PDE9A: variants seen among roughly 807,000 people sequenced by gnomAD.
The protein encoded by PDE9A is phosphodiesterase 9A.
In PDE9A, 60 loss-of-function variants were observed where a neutral mutation model predicts 87.4. That is an observed-to-expected ratio of 0.69 (90% CI 0.56 to 0.85). PDE9A has a LOEUF of 0.85. Ranked by LOEUF, PDE9A falls within the 40% of genes least tolerant of loss-of-function variation. The probability of loss-of-function intolerance (pLI) is 0.00; values close to 1 mark genes in which losing one functional copy is unlikely to be tolerated. For synonymous variants in PDE9A, 272 were observed against 279.4 expected, an observed-to-expected ratio of 0.97 and a Z score of 0.27; for missense variants, 665 against 779.0, an observed-to-expected ratio of 0.85 and a Z score of 1.74.
At chr21:42,726,618 A>ATTTTTTTTTTTTTTTTTTTT (rs1486108848) in intron 4 of PDE9A, among the ~76,000 whole-genome samples, 1 of 23,048 alleles carries the variant, frequency 4.3e-5, no homozygotes, top group African/African-American at 3.3e-4. Flanking sequence ...ATATATATAT[A>ATTTTTTTTTTTTTTTTTTTT]TATATATTTT....
At chr21:42,769,979 C>G (rs890932780) in intron 17 of PDE9A, among the ~76,000 whole-genome samples, 3 of 152,174 alleles carry the variant, frequency 2.0e-5, no homozygotes, top group Non-Finnish European at 4.4e-5. Context: ...CCATCGCTGC[C>G]GGCCTTCAGG....
chr21:42,697,190 C>T (rs1347559817), intron 3 of PDE9A, among the ~76,000 whole-genome samples: 1 of 152,044 alleles, frequency 6.6e-6, no homozygotes, highest in Non-Finnish European at 1.5e-5. Context: ...CCACAGTGCC[C>T]GGCTCTCCCG....
chr21:42,773,794 T>C (rs909855718), intron 19 of PDE9A, among the ~76,000 whole-genome samples: 66 of 129,380 alleles, frequency 5.1e-4, no homozygotes, highest in African/African-American at 1.5e-3. Context: ...GAGCGAGACT[T>C]CGTCTCAAAA....
intron 4 of PDE9A, among the ~76,000 whole-genome samples, chr21:42,718,311 A>T (rs2050151930): frequency 6.6e-6 from 1 of 151,684 alleles, no homozygotes; most frequent in African/African-American, 2.4e-5. Context: ...CTTCATGTTC[A>T]TTGAGCTTCC....
intron 9 of PDE9A, among the ~76,000 whole-genome samples, chr21:42,752,664 T>G (rs930005861): frequency 3.3e-5 from 5 of 152,224 alleles, no homozygotes; most frequent in African/African-American, 9.6e-5. Context: ...AAGCACAGCC[T>G]AGATCCAAAA....
intron 17 of PDE9A, 50 bp from the exon 18 acceptor site, chr21:42,770,653 C>A: frequency 7.0e-7 from 1 of 1,432,564 alleles, no homozygotes; most frequent in South Asian, 1.1e-5. Flanking sequence ...CGACGTTTCC[C>A]ATTGCCTTAA....
rs1291903069 is a variant in PDE9A, at chr21:42,772,495, A to G, written c.1743A>G (p.Arg581=). Residue 581 remains arginine, a synonymous_variant, in exon 19 of 20, where the codon AGA becomes AGG. Transcript: ENST00000291539. ...GGGCCACCGAGAAGTCCAGAGAGAG[A>G]AGCAGAGATGTGAAAAACAGTGAAG... ...TSGATEKSRE[R]SRDVKNSEGD... 1.2e-6 allele frequency: 2 copies of G among 1,608,808 alleles called. No homozygotes were observed. Among genetic ancestry groups the G allele is most frequent in the African/African-American group, 2.7e-5 (2 of 74,810 alleles).
intron 1 of PDE9A, among the ~76,000 whole-genome samples, chr21:42,654,571 A>G (rs1416682852): frequency 6.6e-6 from 1 of 152,130 alleles, no homozygotes; most frequent in Non-Finnish European, 1.5e-5. Context: ...AGCTCCCCCT[A>G]AAGTCCCCAG....
At chr21:42,682,318 G>T (rs1054612576) in intron 1 of PDE9A, among the ~76,000 whole-genome samples, 1 of 152,234 alleles carries the variant, frequency 6.6e-6, no homozygotes, top group Non-Finnish European at 1.5e-5. Flanking sequence ...GAGACAGCCA[G>T]TGCCAACTTT....
intron 1 of PDE9A, among the ~76,000 whole-genome samples, chr21:42,677,272 T>C (rs990819219): frequency 6.6e-6 from 1 of 152,240 alleles, no homozygotes; most frequent in African/African-American, 2.4e-5. Context: ...ATAAAGAATG[T>C]CAGCCGATGT....
chr21:42,664,430 T>C (rs982579680), intron 1 of PDE9A, among the ~76,000 whole-genome samples: 2 of 152,162 alleles, frequency 1.3e-5, no homozygotes, highest in Admixed American at 6.5e-5. Context: ...TTGCAGCAGA[T>C]GAGGCAGGAG....
In PDE9A at chr21:42,775,265, T is replaced by C; in HGVS notation, c.1769-15T>C. 6.2e-7 allele frequency: 1 copy of C among 1,612,158 alleles called. No homozygotes were observed. The highest frequency in any genetic ancestry group is 1.3e-5 in the African/African-American group (1 of 74,902). On this transcript the variant is annotated splice_polypyrimidine_tract_variant and intron_variant, in intron 19 of 19. Transcript: ENST00000291539. ...TCTAACAAAAACAAATCAGTCATCG[T>C]TTCCCTTCTTCCAGGAGACTGTGCC...
chr21:42,775,028 A>C, intron 19 of PDE9A, among the ~76,000 whole-genome samples: 3 of 145,262 alleles, frequency 2.1e-5, no homozygotes, highest in Admixed American at 6.9e-5. Context: ...TGCAATCTCC[A>C]CCTCCCGGGT....
intron 1 of PDE9A, among the ~76,000 whole-genome samples, chr21:42,680,674 C>T (rs887898460): frequency 1.4e-4 from 21 of 152,228 alleles, no homozygotes; most frequent in African/African-American, 5.1e-4. Flanking sequence ...GCCTGAGTGA[C>T]ACGTAGCTCT....
At chr21:42,738,337 G>A (rs75905062) in intron 7 of PDE9A, among the ~76,000 whole-genome samples, 21,032 of 152,282 alleles carry the variant, frequency 0.14, 1,894 homozygotes, top group Middle Eastern at 0.26. Flanking sequence ...GGCTCCTGGA[G>A]GAAGTGTTGA....
chr21:42,765,584 T>G, intron 15 of PDE9A, 90 bp downstream of exon 15: 1 of 750,662 alleles, frequency 1.3e-6, no homozygotes, highest in Non-Finnish European at 2.4e-6. Context: ...GCCAAGAAGC[T>G]GAAATTATTA....
intron 16 of PDE9A, chr21:42,768,562 TCAAA>T (rs1315838793): frequency 5.5e-6 from 7 of 1,279,602 alleles, no homozygotes; most frequent in Non-Finnish European, 6.9e-6. Flanking sequence ...AGCAGCCTTG[TCAAA>T]CAAATTGCCT....
At chr21:42,684,813 C>T (rs1602037753) in intron 1 of PDE9A, among the ~76,000 whole-genome samples, 1 of 152,108 alleles carries the variant, frequency 6.6e-6, no homozygotes, top group Admixed American at 6.5e-5. Context: ...CGACCGTTAC[C>T]CCTGGGGCAA....
At chr21:42,720,690 C>T (rs1013534203) in intron 4 of PDE9A, among the ~76,000 whole-genome samples, 6 of 151,958 alleles carry the variant, frequency 3.9e-5, no homozygotes, top group Non-Finnish European at 8.8e-5. Flanking sequence ...CTCAGTGTCA[C>T]GCAGCCCCTG....
Sources: allele counts gnomAD v4.1 joint callset (sites outside exome capture counted in the v4.1 genomes callset), GRCh38; gene constraint gnomAD v4.1.1; transcripts MANE v1.5; gene names NCBI Gene and HGNC (gene_info 2026-07-23, HGNC 2026-07-21).